Variants in SMAD9 observed in about 807,000 individuals in gnomAD.
The protein encoded by SMAD9 is MAD homolog 9.
SMAD9 carries 36 observed loss-of-function variants against 46.1 expected under a neutral mutation model. That is an observed-to-expected ratio of 0.78 (90% CI 0.60 to 1.03). SMAD9 has a LOEUF of 1.03. Among genes scored for constraint, SMAD9 ranks in the 50% least tolerant of loss-of-function variants. SMAD9 has a pLI of 0.00. For missense variants in SMAD9, 572 were observed against 599.8 expected, an observed-to-expected ratio of 0.95 and a Z score of 0.48; for synonymous variants, 245 against 237.1, an observed-to-expected ratio of 1.03 and a Z score of -0.31.
chr13:36,911,202 T>C (rs1474189688), intron 1 of SMAD9, among the ~76,000 whole-genome samples: 1 of 151,200 alleles, frequency 6.6e-6, no homozygotes, highest in African/African-American at 2.4e-5. Flanking sequence ...CATAGAAGGG[T>C]TTTCACCATG....
intron 2 of SMAD9, among the ~76,000 whole-genome samples, chr13:36,873,617 C>T (rs1167559145): frequency 6.6e-6 from 1 of 152,200 alleles, no homozygotes; most frequent in Non-Finnish European, 1.5e-5. Context: ...AATACCAGCA[C>T]TTTGAGAGGC....
chr13:36,863,637 T>C (rs185581775), intron 5 of SMAD9, among the ~76,000 whole-genome samples: 1 of 152,300 alleles, frequency 6.6e-6, no homozygotes, highest in African/African-American at 2.4e-5. Context: ...GGTGCCCTCC[T>C]TGAGGTAATG....
intron 4 of SMAD9, among the ~76,000 whole-genome samples, chr13:36,866,672 C>T (rs1045828743): frequency 3.9e-5 from 6 of 152,102 alleles, no homozygotes; most frequent in African/African-American, 1.2e-4. Flanking sequence ...TCAAATGGTA[C>T]ACTTCTTTAG....
chr13:36,880,047 AC>A (rs1433691061), intron 1 of SMAD9, among the ~76,000 whole-genome samples, 172 bp from the exon 2 acceptor site: 2 of 152,304 alleles, frequency 1.3e-5, no homozygotes, highest in African/African-American at 4.8e-5. Flanking sequence ...GAGCAACAGA[AC>A]CAGGCCCCAA....
At chr13:36,880,389 A>C (rs1296589237) in intron 1 of SMAD9, among the ~76,000 whole-genome samples, 1 of 152,216 alleles carries the variant, frequency 6.6e-6, no homozygotes, top group Non-Finnish European at 1.5e-5. Context: ...CAGGGCCTCC[A>C]TAATCTGCCC....
chr13:36,917,388 T>TTAC (rs2058706632), intron 1 of SMAD9, among the ~76,000 whole-genome samples: 1 of 140,568 alleles, frequency 7.1e-6, no homozygotes, highest in Admixed American at 7.2e-5. Flanking sequence ...ACTTATGCAT[T>TTAC]TACTGTTTGC....
intron 5 of SMAD9, among the ~76,000 whole-genome samples, chr13:36,855,881 T>C (rs997890846): frequency 5.9e-5 from 9 of 152,184 alleles, no homozygotes; most frequent in African/African-American, 2.2e-4. Context: ...GCCCTGGATA[T>C]CCAGTCCACG....
At chr13:36,918,448 G>A (rs1043165487) in intron 1 of SMAD9, among the ~76,000 whole-genome samples, 3 of 152,174 alleles carry the variant, frequency 2.0e-5, no homozygotes, top group African/African-American at 7.2e-5. Context: ...TACATTAAGA[G>A]GCCGAAGGCT....
intron 1 of SMAD9, among the ~76,000 whole-genome samples, chr13:36,895,465 G>C (rs982877021): frequency 6.6e-6 from 1 of 152,196 alleles, no homozygotes; most frequent in Non-Finnish European, 1.5e-5. Flanking sequence ...TCCACCTATA[G>C]ATGCCAGTAG....
In SMAD9 at chr13:36,845,108, G is replaced by A. The variant is rs2058030291; in HGVS notation, c.*3568C>T. ...TTATTTGTTGAATATATATGTGTGTGTGTGTGTATATATATATATATATAT... is the reference window on the plus strand; with the variant it reads ...TTATTTGTTGAATATATATGTGTGTATGTGTGTATATATATATATATATAT... On this transcript the variant is annotated 3_prime_UTR_variant, in exon 7 of 7. Coordinates refer to ENST00000379826, the MANE Select transcript of SMAD9 (RefSeq NM_001127217.3). 6 of 115,228 alleles carry A rather than the reference G, an allele frequency of 5.2e-5. No homozygotes were observed. In the South Asian group the frequency reaches 1.3e-3, roughly 24 times the overall value. 7.1% of individuals were successfully genotyped at this position (115,228 alleles called of 1,614,324 possible).
rs2058040307 is a variant in SMAD9, at chr13:36,846,653, T to G, written c.*2023A>C. The G allele has an allele frequency of 6.6e-6, 1 of 151,784 alleles. No homozygotes were observed. Among genetic ancestry groups the G allele is most frequent in the Admixed American group, 6.6e-5 (1 of 15,230 alleles). 9.4% of individuals were successfully genotyped at this position (151,784 alleles called of 1,614,324 possible). ...TCTAAGAAAAGGGGACATGGAGAATTATTGGAAAACAGGGAAGAAAGGGGA... is the reference window on the plus strand; with the variant it reads ...TCTAAGAAAAGGGGACATGGAGAATGATTGGAAAACAGGGAAGAAAGGGGA... On this transcript the variant is annotated 3_prime_UTR_variant, in exon 7 of 7. Transcript: ENST00000379826.
intron 1 of SMAD9, among the ~76,000 whole-genome samples, chr13:36,906,250 G>A (rs960525080): frequency 2.6e-5 from 4 of 151,934 alleles, no homozygotes; most frequent in African/African-American, 9.7e-5. Flanking sequence ...TAAAATTAAT[G>A]TGAACAAAAA....
chr13:36,910,691 A>C (rs1454592722), intron 1 of SMAD9, among the ~76,000 whole-genome samples: 2 of 152,084 alleles, frequency 1.3e-5, no homozygotes, highest in Non-Finnish European at 2.9e-5. Context: ...CTTCTTCAAA[A>C]CAGAGCTGGA....
intron 5 of SMAD9, among the ~76,000 whole-genome samples, chr13:36,861,552 G>GCAGAAC (rs574831342): frequency 0.031 from 4,719 of 151,434 alleles, 259 homozygotes; most frequent in African/African-American, 0.11. Flanking sequence ...CCGACCTCAG[G>GCAGAAC]TGACCTGCCT....
intron 1 of SMAD9, among the ~76,000 whole-genome samples, chr13:36,886,690 A>C (rs553966951): frequency 6.6e-6 from 1 of 152,386 alleles, no homozygotes; most frequent in South Asian, 2.1e-4. Context: ...TTAACAAGCC[A>C]TGAAATCTTA....
chr13:36,856,333 T>A (rs1156512046), intron 5 of SMAD9, among the ~76,000 whole-genome samples: 3 of 152,164 alleles, frequency 2.0e-5, no homozygotes, highest in African/African-American at 7.2e-5. Context: ...ATAAATACGA[T>A]TTTTTTGTTA....
chr13:36,900,373 C>G (rs1206834608), intron 1 of SMAD9, among the ~76,000 whole-genome samples: 4 of 152,000 alleles, frequency 2.6e-5, no homozygotes, highest in Non-Finnish European at 5.9e-5. Context: ...CTCCACCTCC[C>G]AGGTTCAAGT....
At chr13:36,915,396 A>G (rs1289418774) in intron 1 of SMAD9, among the ~76,000 whole-genome samples, 3 of 152,152 alleles carry the variant, frequency 2.0e-5, no homozygotes, top group African/African-American at 7.2e-5. Context: ...TGAGGAGTAC[A>G]TGTTTTCTAT....
intron 1 of SMAD9, among the ~76,000 whole-genome samples, chr13:36,904,970 C>G (rs921528500): frequency 6.6e-6 from 1 of 152,148 alleles, no homozygotes; most frequent in African/African-American, 2.4e-5. Context: ...CACTTGTTTT[C>G]ATCCTTTTAT....
Sources: allele counts gnomAD v4.1 joint callset (sites outside exome capture counted in the v4.1 genomes callset), GRCh38; gene constraint gnomAD v4.1.1; transcripts MANE v1.5; gene names NCBI Gene and HGNC (gene_info 2026-07-23, HGNC 2026-07-21).